Variants in ZFAND3 observed in about 807,000 individuals in gnomAD.
The protein encoded by ZFAND3 is AN1-type zinc finger protein 3.
A neutral mutation model predicts 29.6 loss-of-function variants in ZFAND3; 10 were observed. That is an observed-to-expected ratio of 0.34 (90% CI 0.21 to 0.57). ZFAND3 has a LOEUF of 0.57. Ranked by LOEUF, ZFAND3 falls within the 20% of genes least tolerant of loss-of-function variation. The pLI, the probability that ZFAND3 is intolerant of heterozygous loss-of-function variation, is 0.86. For synonymous variants in ZFAND3, 128 were observed against 112.6 expected (o/e 1.14, Z -0.87); for missense variants, 230 against 304.5 (o/e 0.76, Z 1.82).
At chr6:38,068,458 G>A (rs1217469591) in intron 3 of ZFAND3, among the ~76,000 whole-genome samples, 1 of 152,104 alleles carries the variant, frequency 6.6e-6, no homozygotes, top group South Asian at 2.1e-4. Context: ...TACAGAAAAA[G>A]TTTGCAAAAC....
At chr6:38,095,877 C>T (rs536256433) in intron 4 of ZFAND3, among the ~76,000 whole-genome samples, 31 of 151,908 alleles carry the variant, frequency 2.0e-4, no homozygotes, top group Admixed American at 1.4e-3. Flanking sequence ...ACAATCAATA[C>T]AGAAAATTAG....
chr6:37,894,609 C>T (rs1472419027), intron 1 of ZFAND3, among the ~76,000 whole-genome samples: 1 of 152,086 alleles, frequency 6.6e-6, no homozygotes, highest in African/African-American at 2.4e-5. Flanking sequence ...TGGCCTTAAG[C>T]AGTCCTCCTG....
intron 1 of ZFAND3, among the ~76,000 whole-genome samples, chr6:37,924,986 C>A (rs190993460): frequency 6.6e-6 from 1 of 151,958 alleles, no homozygotes; most frequent in Admixed American, 6.6e-5. Context: ...AAAAGGCAAG[C>A]ATGGTTGAAA....
At chr6:37,895,688 TAGTTA>T (rs1271958314) in intron 1 of ZFAND3, among the ~76,000 whole-genome samples, 1 of 152,142 alleles carries the variant, frequency 6.6e-6, no homozygotes, top group Non-Finnish European at 1.5e-5. Flanking sequence ...CTTTGCATGC[TAGTTA>T]AAAGTTTAAA....
At chr6:37,904,711 T>C (rs1010288605) in intron 1 of ZFAND3, among the ~76,000 whole-genome samples, 1 of 152,236 alleles carries the variant, frequency 6.6e-6, no homozygotes, top group African/African-American at 2.4e-5. Context: ...GGGGTGATTA[T>C]TTCCATAGTA....
At chr6:37,864,299 A>C (rs2127385139) in intron 1 of ZFAND3, among the ~76,000 whole-genome samples, 1 of 152,018 alleles carries the variant, frequency 6.6e-6, no homozygotes, top group South Asian at 2.1e-4. Context: ...GATTAGTGAC[A>C]ATTTAAATTT....
chr6:37,827,817 A>G (rs1336746021), intron 1 of ZFAND3, among the ~76,000 whole-genome samples: 3 of 152,232 alleles, frequency 2.0e-5, no homozygotes, highest in African/African-American at 7.2e-5. Context: ...CGAATTTATT[A>G]GGGCAGAAGA....
intron 2 of ZFAND3, among the ~76,000 whole-genome samples, chr6:37,986,715 T>TA (rs1762677422): frequency 6.6e-6 from 1 of 152,196 alleles, no homozygotes; most frequent in Admixed American, 6.5e-5. Flanking sequence ...GTTTAATCAT[T>TA]ATAGCAAAGG....
intron 1 of ZFAND3, among the ~76,000 whole-genome samples, chr6:37,841,538 C>T (rs1387773441): frequency 6.6e-6 from 1 of 152,150 alleles, no homozygotes; most frequent in Non-Finnish European, 1.5e-5. Flanking sequence ...GGCTGGAGTG[C>T]GGTGGCGCGA....
In ZFAND3 at chr6:38,103,367, T is replaced by C. The variant is rs3047091; in HGVS notation, c.362-13205T>C. On this transcript the variant is annotated intron_variant, in intron 4 of 5. Transcript: ENST00000287218. Reference sequence around the variant, plus strand: ...GTGTATGTATATATATATATATATATACACACAATATATATATACACACAC... The same window carrying C: ...GTGTATGTATATATATATATATATACACACACAATATATATATACACACAC... Among the ~76,000 whole-genome samples the C allele has an allele frequency of 9.6e-3, 1,078 of 112,328 alleles. 15 individuals are homozygous for C. Among genetic ancestry groups the C allele is most frequent in the African/African-American group, 0.02 (616 of 30,500 alleles). 73.7% of individuals were successfully genotyped at this position (112,328 alleles called of 152,430 possible). A position where few individuals can be genotyped will look rare whatever the true frequency, so the allele number is the denominator to read the frequency against.
chr6:37,989,904 G>A (rs1433649818), intron 2 of ZFAND3, among the ~76,000 whole-genome samples: 1 of 152,190 alleles, frequency 6.6e-6, no homozygotes, highest in Non-Finnish European at 1.5e-5. Context: ...AGAGCCAGAG[G>A]CACAGTGCTC....
chr6:37,915,954 A>C (rs987903795), intron 1 of ZFAND3, among the ~76,000 whole-genome samples: 2 of 151,902 alleles, frequency 1.3e-5, no homozygotes, highest in Non-Finnish European at 2.9e-5. Context: ...TTTTTAGTAG[A>C]GACAGGGTTT....
chr6:37,831,959 C>CA (rs1294614922), intron 1 of ZFAND3, among the ~76,000 whole-genome samples: 1 of 152,080 alleles, frequency 6.6e-6, no homozygotes, highest in Non-Finnish European at 1.5e-5. Context: ...TAATATGTTT[C>CA]AAAAAAGTTA....
rs537025019 is a variant in ZFAND3 at position 38,005,409 on chromosome 6, T to C, written c.113-56184T>C. ...TTATTTATAGTGCCAGTATATAAAATGAGTATAGGTGGTGTGCATTATTAC... is the reference window on the plus strand; with the variant it reads ...TTATTTATAGTGCCAGTATATAAAACGAGTATAGGTGGTGTGCATTATTAC... On this transcript the variant is annotated intron_variant, in intron 2 of 5. Transcript: ENST00000287218. Among the ~76,000 whole-genome samples, 4 of 152,312 alleles carry C rather than the reference T, an allele frequency of 2.6e-5. No homozygotes were observed. The South Asian group carries it at 8.3e-4, about 32-fold the overall frequency.
chr6:38,075,251 A>C (rs1764530569), intron 3 of ZFAND3, among the ~76,000 whole-genome samples: 1 of 152,212 alleles, frequency 6.6e-6, no homozygotes, highest in Non-Finnish European at 1.5e-5. Context: ...GATCATCTAG[A>C]AAGGACTCAC....
At chr6:37,961,191 G>A (rs999523226) in intron 2 of ZFAND3, among the ~76,000 whole-genome samples, 3 of 152,218 alleles carry the variant, frequency 2.0e-5, no homozygotes, top group African/African-American at 7.2e-5. Context: ...TGAAAAGTGA[G>A]TCACTGCCAG....
intron 1 of ZFAND3, among the ~76,000 whole-genome samples, chr6:37,906,930 C>T (rs947399348): frequency 3.3e-5 from 5 of 151,878 alleles, no homozygotes; most frequent in Non-Finnish European, 7.4e-5. Context: ...ATGTATTCTT[C>T]TCTAGGGAGC....
intron 2 of ZFAND3, among the ~76,000 whole-genome samples, chr6:37,997,549 A>G (rs1339293871): frequency 6.6e-6 from 1 of 152,200 alleles, no homozygotes; most frequent in Admixed American, 6.5e-5. Flanking sequence ...GCCCCAAGCT[A>G]GTTTCTACTT....
intron 2 of ZFAND3, among the ~76,000 whole-genome samples, chr6:38,047,337 ATAT>A (rs2127458568): frequency 6.6e-6 from 1 of 151,906 alleles, no homozygotes; most frequent in Admixed American, 6.6e-5. Context: ...AAGAAAAGAA[ATAT>A]TACTTCTTTC....
Sources: allele counts gnomAD v4.1 joint callset (sites outside exome capture counted in the v4.1 genomes callset), GRCh38; gene constraint gnomAD v4.1.1; transcripts MANE v1.5; gene names NCBI Gene and HGNC (gene_info 2026-07-23, HGNC 2026-07-21).